Variants in NPC2 observed in about 807,000 individuals in gnomAD.
NPC2 encodes the protein Niemann-Pick disease type C2 protein.
Under a neutral mutation model 17.0 loss-of-function variants are expected in NPC2, and 14 were observed. The observed-to-expected ratio is 0.82, with a 90% CI of 0.54 to 1.29. The LOEUF (loss-of-function observed/expected upper bound fraction) is 1.29. Ranked by LOEUF, NPC2 falls within the 50% of genes most tolerant of loss-of-function variation. NPC2 has a pLI of 0.00. For synonymous variants in NPC2, 75 were observed against 69.3 expected, an observed-to-expected ratio of 1.08 and a Z score of -0.41; for missense variants, 167 against 183.4, an observed-to-expected ratio of 0.91 and a Z score of 0.52.
intron 1 of NPC2, 87 bp from the exon 2 acceptor site, chr14:74,486,523 G>C (rs2086714695): frequency 1.9e-6 from 2 of 1,036,920 alleles, no homozygotes; most frequent in Non-Finnish European, 2.9e-6. Flanking sequence ...AAGGTGCTCT[G>C]CTCTCCCATT....
intron 3 of NPC2, among the ~76,000 whole-genome samples, chr14:74,481,707 T>C (rs1486991928): frequency 6.6e-6 from 1 of 152,262 alleles, no homozygotes; most frequent in Non-Finnish European, 1.5e-5. Context: ...CAACCTTTTG[T>C]AGCAATATAC....
chr14:74,480,277 G>C lies in NPC2; in HGVS notation c.453C>G (p.Leu151=), dbSNP rs766378122. The C allele has an allele frequency of 5.0e-6, 8 of 1,613,856 alleles. No individual in the cohort carries two copies. Among genetic ancestry groups the C allele is most frequent in the African/African-American group, 2.7e-5 (2 of 74,912 alleles). Residue 151 remains leucine (L), a synonymous_variant, in exon 5 of 5, where the codon CTC becomes CTG. Coordinates refer to ENST00000555619, the MANE Select transcript of NPC2 (RefSeq NM_006432.5). The stretch of plus-strand genomic sequence containing the variant: ...TGCACCGAACTCAATGAGGCACTTA[G>C]AGATGAGAAACCTGTGGATGTAATG... ...WEIPVQIVSH[L]
intron 3 of NPC2, among the ~76,000 whole-genome samples, chr14:74,481,455 TACA>T (rs1277342694): frequency 4.6e-5 from 7 of 152,244 alleles, no homozygotes; most frequent in African/African-American, 1.4e-4. Flanking sequence ...GGTATTCCTT[TACA>T]ACAAGGCAAA....
chr14:74,485,928 C>T (rs1426665544), intron 2 of NPC2, among the ~76,000 whole-genome samples: 1 of 152,140 alleles, frequency 6.6e-6, no homozygotes. Flanking sequence ...GACTTAATAG[C>T]TGAAAGGCAT....
Position 74,487,877 on chromosome 14 carries a change from G to A in NPC2, c.83-1441C>T, listed in dbSNP as rs117286954. ...CTGAAGAAAACATCTCACAACAATG[G>A]TATTTATCATCCTTGTTTTAGGGGT... On this transcript the variant is annotated intron_variant, in intron 1 of 4. Coordinates refer to ENST00000555619, the MANE Select transcript of NPC2 (RefSeq NM_006432.5). 1.9e-3 allele frequency among the ~76,000 whole-genome samples: 289 copies of A among 152,296 alleles called. 1 individual carries two copies. The highest frequency in any genetic ancestry group is 3.2e-3 in the Non-Finnish European group (215 of 68,024).
intron 4 of NPC2, 80 bp downstream of exon 4, chr14:74,480,622 G>A: frequency 8.7e-7 from 1 of 1,150,396 alleles, no homozygotes; most frequent in South Asian, 1.2e-5. Flanking sequence ...TTTATCTTAT[G>A]GCACTGATTT....
Position 74,480,007 on chromosome 14 carries a change from C to A in NPC2, c.*267G>T, listed in dbSNP as rs759972602. The A allele has an allele frequency of 7.7e-6, 11 of 1,429,258 alleles. No individual in the cohort carries two copies. The East Asian group carries it at 2.2e-4, about 29-fold the overall frequency. The allele number at this position is 1,429,258 out of a possible 1,614,324, so 88.5% of individuals were successfully genotyped here. ...AATTTCCAGGTGTAGAAAGAGGCCA[C>A]AAGTTAATGTTGTTAAAAAAAAAAT... On this transcript the variant is annotated 3_prime_UTR_variant, in exon 5 of 5. Coordinates refer to ENST00000555619, the MANE Select transcript of NPC2 (RefSeq NM_006432.5).
At chr14:74,492,778 G>C (rs2086789519) in intron 1 of NPC2, among the ~76,000 whole-genome samples, 2 of 152,186 alleles carry the variant, frequency 1.3e-5, no homozygotes, top group Admixed American at 6.5e-5. Context: ...TGACTTGTCA[G>C]CAAAAACGAA....
chr14:74,485,543 TAG>T (rs199628163), intron 2 of NPC2, among the ~76,000 whole-genome samples: 4,323 of 147,854 alleles, frequency 0.029, 112 homozygotes, highest in African/African-American at 0.07. Context: ...TTTGGAACAA[TAG>T]AGAGGCCAGG....
intron 2 of NPC2, among the ~76,000 whole-genome samples, chr14:74,485,201 G>A (rs905509422): frequency 3.3e-5 from 5 of 149,428 alleles, no homozygotes; most frequent in East Asian, 2.0e-4. Flanking sequence ...AGGCTGAGGC[G>A]GGAGAATCGC....
At chr14:74,483,414 T>G (rs1372379270) in intron 3 of NPC2, 29 of 1,499,578 alleles carry the variant, frequency 1.9e-5, no homozygotes, top group Non-Finnish European at 2.4e-5. Flanking sequence ...AAGGTCAATG[T>G]TAATGAAATA....
At chr14:74,480,346 A>G (rs994767760) in intron 4 of NPC2, 58 bp from the exon 5 acceptor site, 20 of 1,454,162 alleles carry the variant, frequency 1.4e-5, no homozygotes, top group African/African-American at 8.4e-5. Context: ...CTCCACTGTC[A>G]GGGCAATAAC....
chr14:74,485,351 G>C (rs535766862), intron 2 of NPC2, among the ~76,000 whole-genome samples: 9 of 138,424 alleles, frequency 6.5e-5, no homozygotes, highest in Non-Finnish European at 1.1e-4. Context: ...AGAAAGACAT[G>C]CAATTCTTTA....
rs931939798 is a variant in NPC2, at chr14:74,493,142, G to C, written c.82+51C>G. 2 of 1,566,970 alleles carry C rather than the reference G, an allele frequency of 1.3e-6. No homozygotes were observed. The highest frequency in any genetic ancestry group is 2.7e-5 in the African/African-American group (2 of 74,242). On this transcript the variant is annotated intron_variant, in intron 1 of 4. Coordinates refer to ENST00000555619, the MANE Select transcript of NPC2 (RefSeq NM_006432.5). This position sits in a 1 kb window ranked among gnomAD's most constrained non-coding sequence, Gnocchi z 4.1. ...CCAGGGGTCTCAGCGCGGGGGTCCGGCGGGGCCTTCCACAGAGGGCGCGGG... is the reference window on the plus strand; with the variant it reads ...CCAGGGGTCTCAGCGCGGGGGTCCGCCGGGGCCTTCCACAGAGGGCGCGGG...
upstream of NPC2, chr14:74,493,417 C>T (rs2086801023): frequency 2.6e-6 from 4 of 1,533,048 alleles, no homozygotes; most frequent in Non-Finnish European, 3.5e-6. This position sits in a 1 kb window ranked among gnomAD's most constrained non-coding sequence, Gnocchi z 4.1. Flanking sequence ...CCGCGCCCCG[C>T]CCCCGGCTCC....
intron 1 of NPC2, among the ~76,000 whole-genome samples, chr14:74,487,276 T>G (rs1595224916): frequency 6.8e-6 from 1 of 147,088 alleles, no homozygotes; most frequent in South Asian, 2.2e-4. Flanking sequence ...TTTTTTTTGT[T>G]TTTTTTTTTT....
Position 74,480,352 on chromosome 14 carries a change from A to C in NPC2, c.442-64T>G. On this transcript the variant is annotated intron_variant, in intron 4 of 4. Transcript: ENST00000555619. ...GAACCTTTCCTCCACTGTCAGGGCA[A>C]TAACCCTAGGGCAAGTTATCAGACA... is the stretch of plus-strand genomic sequence containing the variant. 5 of 1,407,966 alleles carry C rather than the reference A, an allele frequency of 3.6e-6. No homozygotes were observed. The South Asian group carries it at 5.8e-5, about 16-fold the overall frequency. The allele number at this position is 1,407,966 out of a possible 1,614,324, so 87.2% of individuals were successfully genotyped here. A position where few individuals can be genotyped will look rare whatever the true frequency, so the allele number is the denominator to read the frequency against.
intron 2 of NPC2, among the ~76,000 whole-genome samples, chr14:74,485,583 T>C (rs760522824): frequency 6.6e-6 from 1 of 151,920 alleles, no homozygotes; most frequent in Non-Finnish European, 1.5e-5. Flanking sequence ...AACAGGGAGC[T>C]AGTACTTAGA....
chr14:74,493,194 G>T lies in NPC2; in HGVS notation c.81C>A (p.Cys27Ter). 6.2e-7 allele frequency: 1 copy of T among 1,608,364 alleles called. No individual in the cohort carries two copies. The highest frequency in any genetic ancestry group is 8.5e-7 in the Non-Finnish European group (1 of 1,178,198). Residue 27 changes from cysteine (C) to a stop codon, truncating the protein, a stop_gained and splice_region_variant, in exon 1 of 5, where the codon TGC (cysteine) becomes TGA (stop). Coordinates refer to ENST00000555619, the MANE Select transcript of NPC2 (RefSeq NM_006432.5). LOFTEE classifies it high-confidence loss of function. This position sits in a 1 kb window ranked among gnomAD's most constrained non-coding sequence, Gnocchi z 4.1. ...AQAEPVQFKD[C>*]GSVDGVIKEV... ...ACCTTGGGCGGGCCTGGGGCTCACC[G>T]CAGTCCTTGAACTGCACCGGTTCGG...
Sources: gnomAD v4.1 joint callset for allele counts (sites outside exome capture counted in the v4.1 genomes callset) on GRCh38, gnomAD v4.1.1 for gene constraint, Gnocchi (gnomAD v3.1) non-coding constraint, MANE v1.5 for transcripts, NCBI Gene and HGNC (gene_info 2026-07-23, HGNC 2026-07-21) for gene names.